Variants in IL4 observed in about 807,000 individuals in gnomAD.
The protein encoded by IL4 is interleukin-4.
Under a neutral mutation model 17.4 loss-of-function variants are expected in IL4, and 10 were observed. The observed-to-expected ratio is 0.57, with a 90% CI of 0.35 to 0.97. The LOEUF is 0.97. Ranked by LOEUF, IL4 falls within the 50% of genes least tolerant of loss-of-function variation. The probability of loss-of-function intolerance (pLI) is 0.01; values close to 1 mark genes in which losing one functional copy is unlikely to be tolerated. For synonymous variants in IL4, 87 were observed against 79.0 expected (o/e 1.10, Z -0.54); for missense variants, 174 against 187.7 (o/e 0.93, Z 0.43).
intron 1 of IL4, 30 bp downstream of exon 1, chr5:132,674,215 G>A (rs1262988898): frequency 6.2e-6 from 10 of 1,608,790 alleles, no homozygotes; most frequent in African/African-American, 1.3e-5. Flanking sequence ...CATCTCTCCA[G>A]ATGTTCTGGT....
chr5:132,676,418 C>T (rs2243258), intron 2 of IL4, among the ~76,000 whole-genome samples: 2,435 of 152,244 alleles, frequency 0.016, 50 homozygotes, highest in African/African-American at 0.049. Context: ...ATCCAGGATG[C>T]CGAGTCTGGG....
At chr5:132,676,091 A>C (rs549683516) in intron 2 of IL4, among the ~76,000 whole-genome samples, 12 of 151,970 alleles carry the variant, frequency 7.9e-5, no homozygotes, top group Admixed American at 1.3e-4. Flanking sequence ...GGGCCACCTC[A>C]CTAGAAGCCA....
At chr5:132,679,185 T>C (rs1026354346) in intron 2 of IL4, among the ~76,000 whole-genome samples, 1 of 152,142 alleles carries the variant, frequency 6.6e-6, no homozygotes, top group East Asian at 1.9e-4. Context: ...ACACGGAGAG[T>C]GCTGGCCAAA....
At position 132,679,884 on chromosome 5, in the gene IL4, G is replaced by A. The variant is rs754610167; in HGVS notation, c.354G>A (p.Ala118=). Residue 118 remains alanine, a synonymous_variant, in exon 3 of 4, where the codon GCG becomes GCA. Transcript: ENST00000231449. The part of the protein sequence containing the change: ...KRLDRNLWGL[A]GLNSCPVKEA... ...TCGACAGGAACCTCTGGGGCCTGGC[G>A]GGCTTGGTAAGCTGCACTGTATTCC... is the stretch of plus-strand genomic sequence containing the variant. 2.3e-5 allele frequency: 37 copies of A among 1,611,612 alleles called. No homozygotes were observed. The highest frequency in any genetic ancestry group is 3.4e-5 in the Admixed American group (2 of 59,582).
chr5:132,681,318 G>C (rs2149881931), intron 3 of IL4, among the ~76,000 whole-genome samples: 1 of 152,278 alleles, frequency 6.6e-6, no homozygotes, highest in Non-Finnish European at 1.5e-5. Flanking sequence ...CACTCAAGGA[G>C]GGAGGGTTGA....
chr5:132,680,232 G>C lies in IL4; in HGVS notation c.360+342G>C, dbSNP rs995438485. 2.6e-5 allele frequency among the ~76,000 whole-genome samples: 4 copies of C among 152,208 alleles called. No individual in the cohort carries two copies. Among genetic ancestry groups the C allele is most frequent in the African/African-American group, 4.8e-5 (2 of 41,450 alleles). ...AGTCATGGGGGAGGGGGCTGACTTA[G>C]GAGCTGGTGACATTATCTGAGCAGA... On this transcript the variant is annotated intron_variant, in intron 3 of 3. Transcript: ENST00000231449. This position sits in a 1 kb window ranked among gnomAD's most constrained non-coding sequence, Gnocchi z 4.3.
Position 132,679,805 on chromosome 5 carries a change from C to A in IL4, c.275C>A (p.Ala92Glu), listed in dbSNP as rs779912651. The change falls in exon 3 of 4, where the codon GCG becomes GAG. Residue 92 changes from alanine to glutamate, a missense_variant. Physicochemically the swap from Ala to Glu is moderately radical, Grantham distance 107 (BLOSUM62 -1). Transcript: ENST00000231449. Reference sequence around the variant, plus strand: ...GAGAAGGACACTCGCTGCCTGGGTGCGACTGCACAGCAGTTCCACAGGCAC... The same window carrying A: ...GAGAAGGACACTCGCTGCCTGGGTGAGACTGCACAGCAGTTCCACAGGCAC... The part of the protein sequence containing the change: ...HHEKDTRCLG[A>E]TAQQFHRHKQ... 9.9e-6 allele frequency: 16 copies of A among 1,613,928 alleles called. No homozygotes were observed. The East Asian group carries it at 3.1e-4, about 31-fold the overall frequency.
chr5:132,674,896 T>C lies in IL4; in HGVS notation c.183+390T>C, dbSNP rs2243252. Among the ~76,000 whole-genome samples, 1,382 of 152,328 alleles carry C rather than the reference T, an allele frequency of 9.1e-3. 19 individuals are homozygous for C. The highest frequency in any genetic ancestry group is 0.029 in the African/African-American group (1,199 of 41,570). On this transcript the variant is annotated intron_variant, in intron 2 of 3. Transcript: ENST00000231449. ...ACTCTCACAGAAACAGATATTGAGATGACAGGTTGAGGGAGCTTTCATTTT... is the reference window on the plus strand; with the variant it reads ...ACTCTCACAGAAACAGATATTGAGACGACAGGTTGAGGGAGCTTTCATTTT...
chr5:132,680,089 G>A lies in IL4; in HGVS notation c.360+199G>A, dbSNP rs1239029876. 2.0e-5 allele frequency among the ~76,000 whole-genome samples: 3 copies of A among 151,324 alleles called. No homozygotes were observed. The highest frequency in any genetic ancestry group is 4.4e-5 in the Non-Finnish European group (3 of 68,018). Reference sequence around the variant, plus strand: ...GAGGACGTGTCACTAAAGACACGCAGGCCGAGTCCCTGTTCTCATGGAATG... The same window carrying A: ...GAGGACGTGTCACTAAAGACACGCAAGCCGAGTCCCTGTTCTCATGGAATG... On this transcript the variant is annotated intron_variant, in intron 3 of 3. Coordinates refer to ENST00000231449, the MANE Select transcript of IL4 (RefSeq NM_000589.4). The surrounding 1 kb of genome is among the most constrained non-coding windows in gnomAD (Gnocchi z 4.3).
At chr5:132,677,263 G>GA (rs1185128325) in intron 2 of IL4, among the ~76,000 whole-genome samples, 2 of 152,208 alleles carry the variant, frequency 1.3e-5, no homozygotes, top group African/African-American at 2.4e-5. Flanking sequence ...TGCCACAGAA[G>GA]AAATCTCCCA....
intron 3 of IL4, among the ~76,000 whole-genome samples, chr5:132,681,736 G>A (rs1022186095): frequency 1.3e-5 from 2 of 152,124 alleles, no homozygotes; most frequent in African/African-American, 2.4e-5. Context: ...ATCTAATATC[G>A]AGTGGAGGAA....
chr5:132,678,163 ATAGTT>A (rs1304002796), intron 2 of IL4, among the ~76,000 whole-genome samples: 13 of 152,246 alleles, frequency 8.5e-5, no homozygotes, highest in Admixed American at 3.9e-4. Context: ...AAAGATTTCT[ATAGTT>A]TACTCACTGC....
chr5:132,680,319 G>A lies in IL4; in HGVS notation c.360+429G>A, dbSNP rs1011464363. On this transcript the variant is annotated intron_variant, in intron 3 of 3. Transcript: ENST00000231449. The surrounding 1 kb of genome is among the most constrained non-coding windows in gnomAD (Gnocchi z 4.3). ...GGGAGACCATTCCAGGCAGAAGGAGGAGGTATGCAAAGGCCTTAGGATGGA... is the reference window on the plus strand; with the variant it reads ...GGGAGACCATTCCAGGCAGAAGGAGAAGGTATGCAAAGGCCTTAGGATGGA... Among the ~76,000 whole-genome samples the A allele has an allele frequency of 6.6e-6, 1 of 152,172 alleles. No individual in the cohort carries two copies. Among genetic ancestry groups the A allele is most frequent in the African/African-American group, 2.4e-5 (1 of 41,426 alleles).
chr5:132,675,523 A>G (rs1752359614), intron 2 of IL4, among the ~76,000 whole-genome samples: 1 of 151,114 alleles, frequency 6.6e-6, no homozygotes, highest in Non-Finnish European at 1.5e-5. Flanking sequence ...AGTCCGATAC[A>G]GGATGAGATT....
rs1185853491 is a variant in IL4 at position 132,674,066 on chromosome 5, C to G, written c.16C>G (p.Gln6Glu). 3 of 1,614,166 alleles carry G rather than the reference C, an allele frequency of 1.9e-6. No individual in the cohort carries two copies. In the South Asian group the frequency reaches 3.3e-5, roughly 18 times the overall value. Reference sequence around the variant, plus strand: ...ACACCTATTAATGGGTCTCACCTCCCAACTGCTTCCCCCTCTGTTCTTCCT... The same window carrying G: ...ACACCTATTAATGGGTCTCACCTCCGAACTGCTTCCCCCTCTGTTCTTCCT... MGLTS[Q>E]LLPPLFFLLA... Residue 6 changes from glutamine to glutamate, a missense_variant, in exon 1 of 4, where the codon CAA becomes GAA. By Grantham distance (29) the Gln-to-Glu change is conservative. Coordinates refer to ENST00000231449, the MANE Select transcript of IL4 (RefSeq NM_000589.4).
rs543410548 is a variant in IL4 at position 132,681,387 on chromosome 5, TGGCTGATGGAGGCCATGGGTGA to T, written c.361-1090_361-1069del. Among the ~76,000 whole-genome samples, 138 of 152,280 alleles carry T rather than the reference TGGCTGATGGAGGCCATGGGTGA, an allele frequency of 9.1e-4. 2 individuals carry two copies. In the East Asian group the frequency reaches 0.025, roughly 27 times the overall value. ...GAGGACCAAGAAAGGCCCCTGGGTT[TGGCTGATGGAGGCCATGGGTGA>T]GGCTGATGTAAATGGAGAGGCAGGA... On this transcript the variant is annotated intron_variant, in intron 3 of 3. Transcript: ENST00000231449.
chr5:132,680,019 G>A lies in IL4; in HGVS notation c.360+129G>A. 1.2e-6 allele frequency: 1 copy of A among 800,854 alleles called. No homozygotes were observed. The highest frequency in any genetic ancestry group is 1.9e-5 in the South Asian group (1 of 52,570). The allele number at this position is 800,854 out of a possible 1,614,324, so 49.6% of individuals were successfully genotyped here. ...ATTCATTCATTCACTCATTCAATAA[G>A]TATTTGCTGAAGTTCCACAAGTGCT... On this transcript the variant is annotated intron_variant, in intron 3 of 3. Transcript: ENST00000231449. This position sits in a 1 kb window ranked among gnomAD's most constrained non-coding sequence, Gnocchi z 4.3.
intron 2 of IL4, among the ~76,000 whole-genome samples, chr5:132,677,377 C>G (rs1054035318): frequency 8.5e-5 from 13 of 152,188 alleles, no homozygotes; most frequent in African/African-American, 3.1e-4. Flanking sequence ...AGTGCACTCC[C>G]TGAGCCACTG....
intron 2 of IL4, among the ~76,000 whole-genome samples, chr5:132,678,581 GTTC>G (rs1200121327): frequency 3.3e-5 from 5 of 152,164 alleles, no homozygotes; most frequent in East Asian, 3.8e-4. Context: ...TCTTGTCACT[GTTC>G]TTCTGATTCA....
Sources: gnomAD v4.1 joint callset for allele counts (sites outside exome capture counted in the v4.1 genomes callset) on GRCh38, gnomAD v4.1.1 for gene constraint, Gnocchi (gnomAD v3.1) non-coding constraint, MANE v1.5 for transcripts, NCBI Gene and HGNC (gene_info 2026-07-23, HGNC 2026-07-21) for gene names.